LRP5: variants seen among roughly 807,000 people sequenced by gnomAD.
LRP5 encodes the protein low-density lipoprotein receptor-related protein 5.
Under a neutral mutation model 154.1 loss-of-function variants are expected in LRP5, and 62 were observed. The ratio of observed to expected loss-of-function variants is 0.40; its 90% CI spans 0.33 to 0.50. The LOEUF is 0.50. Among genes scored for constraint, LRP5 ranks in the 20% least tolerant of loss-of-function variants. LRP5 has a pLI of 0.55. For missense variants in LRP5, 1,915 were observed against 2,336.7 expected, an observed-to-expected ratio of 0.82 and a Z score of 3.72; for synonymous variants, 966 against 1,011.5, an observed-to-expected ratio of 0.96 and a Z score of 0.85.
chr11:68,330,996 CA>C (rs1173008783), intron 1 of LRP5, among the ~76,000 whole-genome samples: 1 of 152,188 alleles, frequency 6.6e-6, no homozygotes, highest in Non-Finnish European at 1.5e-5. Flanking sequence ...CAGTGTTTTT[CA>C]AAATATGTTT....
At position 68,386,566 on chromosome 11, in the gene LRP5, G is replaced by A. The variant is rs772212144; in HGVS notation, c.1266G>A (p.Ala422=). The change falls in exon 6 of 23, where the codon GCG becomes GCA. Residue 422 remains alanine, a synonymous_variant. Coordinates refer to ENST00000294304, the MANE Select transcript of LRP5 (RefSeq NM_002335.4). The surrounding 1 kb of genome is among the most constrained non-coding windows in gnomAD (Gnocchi z 7.9). ...NTEINDPDGI[A]VDWVARNLYW... ...AGATCAACGACCCCGATGGCATCGCGGTCGACTGGGTGGCCCGAAACCTCT... is the reference window on the plus strand; with the variant it reads ...AGATCAACGACCCCGATGGCATCGCAGTCGACTGGGTGGCCCGAAACCTCT... The A allele has an allele frequency of 2.3e-5, 37 of 1,613,676 alleles. No individual in the cohort carries two copies. The highest frequency in any genetic ancestry group is 1.5e-4 in the Admixed American group (9 of 59,978).
In LRP5 at chr11:68,439,913, GC is replaced by G; in HGVS notation, c.4487del (p.Pro1496ArgfsTer3). On this transcript the variant is annotated frameshift_variant and splice_region_variant, in exon 21 of 23. Transcript: ENST00000294304. LOFTEE classifies it high-confidence loss of function. ...SSSTKATLYP[P>X]ILNPPPSPAT... ...CCAGCACGAAGGCCACGCTGTACCC[GC>G]CGGTGAGGGGCGGGGCCGGGGAGGG... The G allele has an allele frequency of 6.5e-7, 1 of 1,547,602 alleles. No individual in the cohort carries two copies. The highest frequency in any genetic ancestry group is 8.7e-7 in the Non-Finnish European group (1 of 1,146,656).
chr11:68,317,004 T>G (rs547270340), intron 1 of LRP5, among the ~76,000 whole-genome samples: 2 of 152,390 alleles, frequency 1.3e-5, no homozygotes, highest in Non-Finnish European at 2.9e-5. Context: ...ATCCAGGTCC[T>G]CGGCTTGGTG....
chr11:68,372,031 T>G (rs1278582684), intron 5 of LRP5, among the ~76,000 whole-genome samples: 1 of 152,226 alleles, frequency 6.6e-6, no homozygotes, highest in African/African-American at 2.4e-5. Flanking sequence ...GAGCTGGCCC[T>G]GGGCTAGCGG....
Position 68,423,731 on chromosome 11 carries a change from C to T in LRP5, c.3236+34C>T, listed in dbSNP as rs769363811. ...CCAACGGGTGGGTGGGGGTGCTGCC[C>T]GTCCAGGCGTGCCCGCCGTGTCTTC... On this transcript the variant is annotated intron_variant, in intron 14 of 22. Transcript: ENST00000294304. The surrounding 1 kb of genome is among the most constrained non-coding windows in gnomAD (Gnocchi z 4.7). 2.1e-5 allele frequency: 33 copies of T among 1,577,602 alleles called. No individual in the cohort carries two copies. Among genetic ancestry groups the T allele is most frequent in the Middle Eastern group, 2.0e-4 (1 of 5,090 alleles).
intron 15 of LRP5, 92 bp from the exon 16 acceptor site, chr11:68,425,885 TG>T: frequency 8.9e-7 from 1 of 1,128,222 alleles, no homozygotes; most frequent in Non-Finnish European, 1.3e-6. Flanking sequence ...CCAGGCTCCC[TG>T]GCAGTCCTGT....
intron 1 of LRP5, among the ~76,000 whole-genome samples, chr11:68,327,475 G>A (rs1271183509): frequency 6.6e-6 from 1 of 152,210 alleles, no homozygotes; most frequent in Non-Finnish European, 1.5e-5. Context: ...ATATGCAGTG[G>A]TCTTTCAGTT....
chr11:68,362,922 G>A (rs1205799647), intron 3 of LRP5, among the ~76,000 whole-genome samples: 3 of 151,786 alleles, frequency 2.0e-5, no homozygotes, highest in Admixed American at 6.6e-5. Context: ...AGCCTGTCAC[G>A]GGGCGAGGGT....
chr11:68,448,686 C>T (rs1052298764), intron 22 of LRP5, 123 bp from the exon 23 acceptor site: 79 of 1,257,396 alleles, frequency 6.3e-5, no homozygotes, highest in Admixed American at 1.3e-4. Flanking sequence ...GTCCAGAGTC[C>T]GGCCTGCATC....
chr11:68,432,407 C>T (rs1435969247), intron 17 of LRP5, among the ~76,000 whole-genome samples: 1 of 152,176 alleles, frequency 6.6e-6, no homozygotes, highest in Non-Finnish European at 1.5e-5. Context: ...CTGGCACGTC[C>T]TCCTGTGGCT....
intron 5 of LRP5, among the ~76,000 whole-genome samples, chr11:68,378,766 G>A (rs1455755749): frequency 6.6e-6 from 1 of 152,012 alleles, no homozygotes; most frequent in Non-Finnish European, 1.5e-5. Flanking sequence ...GGTCAGGCGC[G>A]GTGGCTCACA....
At chr11:68,443,977 GTCC>G (rs1249773249) in intron 21 of LRP5, among the ~76,000 whole-genome samples, 5 of 151,732 alleles carry the variant, frequency 3.3e-5, no homozygotes, top group Admixed American at 1.3e-4. Context: ...CTTTCTTAAC[GTCC>G]TCCTCCTTTC....
intron 1 of LRP5, among the ~76,000 whole-genome samples, chr11:68,325,388 T>C (rs889092154): frequency 6.6e-6 from 1 of 152,152 alleles, no homozygotes; most frequent in Non-Finnish European, 1.5e-5. Context: ...CGCCTCTTGC[T>C]TTGTGTTAGT....
intron 2 of LRP5, among the ~76,000 whole-genome samples, chr11:68,352,360 G>A (rs1165850664): frequency 1.3e-5 from 2 of 152,250 alleles, no homozygotes; most frequent in Admixed American, 1.3e-4. Flanking sequence ...CATGCTGCAT[G>A]TCATGAGGAA....
In LRP5 at chr11:68,360,724, G is replaced by A. The variant is rs530213286; in HGVS notation, c.686+2877G>A. On this transcript the variant is annotated intron_variant, in intron 3 of 22. Coordinates refer to ENST00000294304, the MANE Select transcript of LRP5 (RefSeq NM_002335.4). Reference sequence around the variant, plus strand: ...TGAAAAATGGCCACATGGGCTGGGCGCCATGGCTTACGCGTGTAATCCCAG... The same window carrying A: ...TGAAAAATGGCCACATGGGCTGGGCACCATGGCTTACGCGTGTAATCCCAG... Among the ~76,000 whole-genome samples the A allele has an allele frequency of 9.8e-5, 15 of 152,344 alleles. No homozygotes were observed. The East Asian group carries it at 1.5e-3, about 16-fold the overall frequency.
intron 1 of LRP5, among the ~76,000 whole-genome samples, chr11:68,326,762 T>C (rs920405739): frequency 3.3e-5 from 5 of 152,244 alleles, no homozygotes; most frequent in African/African-American, 1.2e-4. Flanking sequence ...ACCACCCAGT[T>C]ACAAGAGCGT....
intron 5 of LRP5, among the ~76,000 whole-genome samples, chr11:68,367,996 C>T (rs537538827): frequency 1.2e-4 from 17 of 146,988 alleles, no homozygotes; most frequent in African/African-American, 3.3e-4. Context: ...GCCTAGGAGG[C>T]GGAGGTTGCA....
At chr11:68,316,006 TCA>T (rs545461730) in intron 1 of LRP5, among the ~76,000 whole-genome samples, 139 of 152,266 alleles carry the variant, frequency 9.1e-4, no homozygotes, top group African/African-American at 3.2e-3. Context: ...TTTGGTACAT[TCA>T]CAGTGTTTAC....
chr11:68,328,661 CAG>C (rs2098601058), intron 1 of LRP5, among the ~76,000 whole-genome samples: 3 of 152,224 alleles, frequency 2.0e-5, no homozygotes, highest in Admixed American at 6.5e-5. Context: ...GGTCATGGCT[CAG>C]GGGCACCGCA....
Sources: allele counts gnomAD v4.1 joint callset (sites outside exome capture counted in the v4.1 genomes callset), GRCh38; gene constraint gnomAD v4.1.1; non-coding constraint Gnocchi (gnomAD v3.1); transcripts MANE v1.5; gene names NCBI Gene and HGNC (gene_info 2026-07-23, HGNC 2026-07-21).